The following PTPRN2 variants were observed in gnomAD, a reference collection of about 807,000 sequenced individuals.
The protein encoded by PTPRN2 is receptor-type tyrosine-protein phosphatase N2.
A neutral mutation model predicts 118.8 loss-of-function variants in PTPRN2; 74 were observed. The observed-to-expected ratio is 0.62, with a 90% CI of 0.52 to 0.76. The LOEUF is 0.76. Among genes scored for constraint, PTPRN2 ranks in the 30% least tolerant of loss-of-function variants. The pLI is 0.00. For synonymous variants in PTPRN2, 641 were observed against 608.0 expected (o/e 1.05, Z -0.80); for missense variants, 1,481 against 1,394.4 (o/e 1.06, Z -0.99).
At chr7:157,849,495 C>T (rs199703122) in intron 12 of PTPRN2, among the ~76,000 whole-genome samples, 5 of 152,306 alleles carry the variant, frequency 3.3e-5, no homozygotes, top group East Asian at 3.9e-4. Flanking sequence ...TGCAGCCCCA[C>T]GCCACTCAGA....
At chr7:158,105,360 A>G (rs1309330610) in intron 10 of PTPRN2, among the ~76,000 whole-genome samples, 1 of 149,822 alleles carries the variant, frequency 6.7e-6, no homozygotes, top group South Asian at 2.1e-4. Context: ...ACTGCATCCG[A>G]GCTCCATCCT....
intron 12 of PTPRN2, among the ~76,000 whole-genome samples, chr7:157,726,096 A>C (rs10274335): frequency 4.2e-5 from 1 of 23,808 alleles, no homozygotes; most frequent in Non-Finnish European, 8.8e-5. Context: ...CCAGACCCTC[A>C]CCTCCCAGGA....
intron 21 of PTPRN2, among the ~76,000 whole-genome samples, chr7:157,558,811 G>A (rs902292856): frequency 2.6e-5 from 4 of 152,326 alleles, no homozygotes; most frequent in Admixed American, 2.0e-4. Flanking sequence ...CAGCTGCCTC[G>A]GTCCCTCTGA....
rs144837405 is a variant in PTPRN2, at chr7:158,136,690, C to T, written c.1138G>A (p.Gly380Arg). 53 of 1,613,634 alleles carry T rather than the reference C, an allele frequency of 3.3e-5. No individual in the cohort carries two copies. Among genetic ancestry groups the T allele is most frequent in the Non-Finnish European group, 3.9e-5 (46 of 1,179,726 alleles). The change falls in exon 8 of 23, where the codon GGA becomes AGA. Residue 380 changes from glycine (G) to arginine (R), a missense_variant. Gly to Arg is a moderately radical substitution (Grantham distance 125, BLOSUM62 -2). Coordinates refer to ENST00000389418, the MANE Select transcript of PTPRN2 (RefSeq NM_002847.5). ...AGTCTATCATCGTCGTCCTGCACTCCGTCATCTGTAAAAGACACCAGTGTT... is the reference window on the plus strand; with the variant it reads ...AGTCTATCATCGTCGTCCTGCACTCTGTCATCTGTAAAAGACACCAGTGTT... Reference protein sequence around the residue: ...TLRGDSFPDDGVQDDDDRLYQ... With the variant: ...TLRGDSFPDDRVQDDDDRLYQ...
chr7:157,582,874 CAAAA>C (rs112054959), intron 17 of PTPRN2, among the ~76,000 whole-genome samples: 6 of 117,570 alleles, frequency 5.1e-5, no homozygotes, highest in African/African-American at 1.6e-4. Context: ...AACTCCACCT[CAAAA>C]AAAAAAAACA....
chr7:158,243,187 C>T (rs1795994712), intron 3 of PTPRN2, among the ~76,000 whole-genome samples: 1 of 152,218 alleles, frequency 6.6e-6, no homozygotes, highest in African/African-American at 2.4e-5. Context: ...GCCTTCACTT[C>T]AGCCTCAACC....
At chr7:157,926,789 T>C (rs988958922) in intron 11 of PTPRN2, among the ~76,000 whole-genome samples, 4 of 152,204 alleles carry the variant, frequency 2.6e-5, no homozygotes, top group African/African-American at 9.6e-5. Flanking sequence ...CACCCTGATC[T>C]TGCTGGACAC....
At chr7:158,410,692 G>T (rs1036576794) in intron 2 of PTPRN2, among the ~76,000 whole-genome samples, 2 of 152,252 alleles carry the variant, frequency 1.3e-5, no homozygotes, top group African/African-American at 4.8e-5. Flanking sequence ...CGTGGAAACA[G>T]GGTCCTCGCA....
intron 12 of PTPRN2, among the ~76,000 whole-genome samples, chr7:157,840,591 G>A (rs567951148): frequency 6.6e-6 from 1 of 152,192 alleles, no homozygotes; most frequent in Non-Finnish European, 1.5e-5. Context: ...CATCCGAGCC[G>A]GCTGAAGCCC....
At chr7:158,087,859 AGG>A (rs1445154135) in intron 10 of PTPRN2, among the ~76,000 whole-genome samples, 33 of 83,352 alleles carry the variant, frequency 4.0e-4, no homozygotes, top group Non-Finnish European at 7.1e-4. Flanking sequence ...CCCCTGATGA[AGG>A]AGGGAGTCTT....
intron 2 of PTPRN2, among the ~76,000 whole-genome samples, chr7:158,320,737 G>A (rs978396512): frequency 1.3e-5 from 2 of 152,274 alleles, no homozygotes; most frequent in African/African-American, 2.4e-5. Flanking sequence ...CATGATGTGG[G>A]TGTCCTTTAT....
At chr7:158,137,243 C>G (rs1818908329) in intron 7 of PTPRN2, among the ~76,000 whole-genome samples, 1 of 152,174 alleles carries the variant, frequency 6.6e-6, no homozygotes, top group South Asian at 2.1e-4. Context: ...AGGCGAAACC[C>G]CGTCTCTACT....
At chr7:157,823,594 G>A (rs1217266741) in intron 12 of PTPRN2, among the ~76,000 whole-genome samples, 3 of 152,224 alleles carry the variant, frequency 2.0e-5, no homozygotes, top group South Asian at 2.1e-4. Context: ...CCCCAAGGAT[G>A]TTCTGGTTTG....
intron 11 of PTPRN2, among the ~76,000 whole-genome samples, chr7:158,018,396 C>A (rs1806600635): frequency 1.3e-5 from 2 of 152,216 alleles, no homozygotes; most frequent in Non-Finnish European, 2.9e-5. Context: ...GAATTTATAA[C>A]CGGGAGCATA....
chr7:158,178,461 C>T (rs1824407534), intron 5 of PTPRN2, among the ~76,000 whole-genome samples: 5 of 152,136 alleles, frequency 3.3e-5, no homozygotes, highest in African/African-American at 9.6e-5. Flanking sequence ...ATCGATTTTC[C>T]TTTCCTGAGT....
chr7:158,447,139 C>T (rs1215701619), intron 2 of PTPRN2, among the ~76,000 whole-genome samples: 1 of 152,138 alleles, frequency 6.6e-6, no homozygotes, highest in African/African-American at 2.4e-5. Flanking sequence ...CATTCCTTCC[C>T]AAGCAAGGAC....
At chr7:158,495,365 G>T (rs1032963040) in intron 1 of PTPRN2, among the ~76,000 whole-genome samples, 1 of 152,194 alleles carries the variant, frequency 6.6e-6, no homozygotes, top group Non-Finnish European at 1.5e-5. Context: ...TCTGGAGAGA[G>T]AGCAGGGTGC....
At chr7:157,918,533 A>G (rs940846986) in intron 11 of PTPRN2, among the ~76,000 whole-genome samples, 6 of 152,214 alleles carry the variant, frequency 3.9e-5, no homozygotes, top group African/African-American at 1.4e-4. Flanking sequence ...ACTCGCATCA[A>G]ACTACTCATT....
intron 13 of PTPRN2, among the ~76,000 whole-genome samples, chr7:157,664,775 A>T (rs1796055223): frequency 6.6e-6 from 1 of 152,222 alleles, no homozygotes; most frequent in Non-Finnish European, 1.5e-5. Flanking sequence ...CCCGCCAAAA[A>T]TACAGAGCTA....
Sources: gnomAD v4.1 joint callset for allele counts (sites outside exome capture counted in the v4.1 genomes callset) on GRCh38, gnomAD v4.1.1 for gene constraint, MANE v1.5 for transcripts, NCBI Gene and HGNC (gene_info 2026-07-23, HGNC 2026-07-21) for gene names.